Variants in KIF1A observed in about 807,000 individuals in gnomAD.
The protein encoded by KIF1A is kinesin family member 1A.
Under a neutral mutation model 227.3 loss-of-function variants are expected in KIF1A, and 46 were observed. That is an observed-to-expected ratio of 0.20 (90% CI 0.16 to 0.26). The LOEUF (loss-of-function observed/expected upper bound fraction) is 0.26. Among genes scored for constraint, KIF1A ranks in the 10% least tolerant of loss-of-function variants. The probability of loss-of-function intolerance (pLI) is 1.00; values close to 1 mark genes in which losing one functional copy is unlikely to be tolerated. For synonymous variants in KIF1A, 1,022 were observed against 1,012.8 expected, an observed-to-expected ratio of 1.01 and a Z score of -0.17; for missense variants, 1,683 against 2,485.9, an observed-to-expected ratio of 0.68 and a Z score of 6.87.
rs546481711 is a variant in KIF1A, at chr2:240,812,212, C to A, written c.-61+7910G>T. Among the ~76,000 whole-genome samples the A allele has an allele frequency of 2.4e-4, 37 of 152,310 alleles. No homozygotes were observed. The Middle Eastern group carries it at 0.014, about 56-fold the overall frequency. ...GACCATTTCAGGTTCCTGCCTCACC[C>A]TGGGGTGGGGGCATCAGCAGAAAAA... On this transcript the variant is annotated intron_variant, in intron 1 of 48. Coordinates refer to ENST00000498729, the MANE Select transcript of KIF1A (RefSeq NM_001244008.2).
intron 12 of KIF1A, among the ~76,000 whole-genome samples, chr2:240,773,837 A>T (rs1281492384): frequency 6.6e-6 from 1 of 151,184 alleles, no homozygotes; most frequent in African/African-American, 2.4e-5. Context: ...CATAAGACAC[A>T]CCTATGTCCC....
At chr2:240,800,390 G>A (rs2056864104) in intron 1 of KIF1A, among the ~76,000 whole-genome samples, 1 of 152,146 alleles carries the variant, frequency 6.6e-6, no homozygotes, top group Non-Finnish European at 1.5e-5. Flanking sequence ...TACTCAAGAG[G>A]CCCGATACCA....
Position 240,775,996 on chromosome 2 carries a change from C to T in KIF1A, c.883-70G>A. ...AGGAAGCGAAAGGGAGGGGCCAGCG[C>T]AGGCCCTGCCAAGTGGGTCCTCAAA... On this transcript the variant is annotated intron_variant, in intron 10 of 48. Coordinates refer to ENST00000498729, the MANE Select transcript of KIF1A (RefSeq NM_001244008.2). This position sits in a 1 kb window ranked among gnomAD's most constrained non-coding sequence, Gnocchi z 5.5. 1 of 1,056,696 alleles carries T rather than the reference C, an allele frequency of 9.5e-7. No individual in the cohort carries two copies. The allele number at this position is 1,056,696 out of a possible 1,614,324, so 65.5% of individuals were successfully genotyped here. A position where few individuals can be genotyped will look rare whatever the true frequency, so the allele number is the denominator to read the frequency against.
At chr2:240,734,121 G>A (rs1456079919) in intron 38 of KIF1A, among the ~76,000 whole-genome samples, 2 of 152,248 alleles carry the variant, frequency 1.3e-5, no homozygotes, top group African/African-American at 4.8e-5. Flanking sequence ...GGCCAGAGGA[G>A]CGTGGCTGGA....
chr2:240,768,536 T>C (rs984384590), intron 17 of KIF1A, among the ~76,000 whole-genome samples: 2 of 152,044 alleles, frequency 1.3e-5, no homozygotes, highest in African/African-American at 4.8e-5. Flanking sequence ...AAGAAAGACT[T>C]TTTCCCAAGT....
At chr2:240,748,449 C>T (rs557364308) in intron 28 of KIF1A, among the ~76,000 whole-genome samples, 2 of 152,296 alleles carry the variant, frequency 1.3e-5, no homozygotes, top group Non-Finnish European at 2.9e-5. Context: ...TCTGGTGCAG[C>T]CCCACTCTCA....
At chr2:240,786,258 C>T in intron 6 of KIF1A, 77 bp downstream of exon 6, 5 of 1,428,076 alleles carry the variant, frequency 3.5e-6, no homozygotes, top group Non-Finnish European at 4.9e-6. Flanking sequence ...AGGGCCAGGA[C>T]CGAGGTGAAG....
intron 27 of KIF1A, among the ~76,000 whole-genome samples, chr2:240,753,824 A>T (rs2049506257): frequency 6.6e-6 from 1 of 152,094 alleles, no homozygotes; most frequent in Admixed American, 6.5e-5. Flanking sequence ...ACAGAGGACG[A>T]CCCTGAGGCA....
intron 34 of KIF1A, among the ~76,000 whole-genome samples, chr2:240,742,271 G>T (rs964826700): frequency 8.5e-5 from 13 of 152,164 alleles, no homozygotes; most frequent in Non-Finnish European, 1.6e-4. Context: ...TCTCACACAG[G>T]CCCCTACCCT....
At chr2:240,745,673 G>A in intron 31 of KIF1A, 65 bp downstream of exon 31, 5 of 1,566,788 alleles carry the variant, frequency 3.2e-6, no homozygotes, top group Non-Finnish European at 4.3e-6. Flanking sequence ...CCAGCACCCA[G>A]GCACGGGAGC....
At chr2:240,773,084 T>A (rs1043841174) in intron 13 of KIF1A, 30 bp downstream of exon 13, 1 of 1,585,546 alleles carries the variant, frequency 6.3e-7, no homozygotes, top group African/African-American at 1.3e-5. Context: ...CCCACAACCC[T>A]GTCCAGGACA....
chr2:240,738,948 C>T (rs1411123705), intron 37 of KIF1A, among the ~76,000 whole-genome samples: 1 of 152,250 alleles, frequency 6.6e-6, no homozygotes, highest in South Asian at 2.1e-4. Flanking sequence ...GGTCCATAAA[C>T]CAGCTGTGTA....
chr2:240,773,841 A>G (rs2052357977), intron 12 of KIF1A, among the ~76,000 whole-genome samples: 1 of 151,964 alleles, frequency 6.6e-6, no homozygotes, highest in Non-Finnish European at 1.5e-5. Context: ...AGACACACCT[A>G]TGTCCCCTCT....
At chr2:240,809,392 C>A (rs1315461118) in intron 1 of KIF1A, among the ~76,000 whole-genome samples, 2 of 152,130 alleles carry the variant, frequency 1.3e-5, no homozygotes, top group Non-Finnish European at 2.9e-5. Flanking sequence ...CAGGAAGAGG[C>A]CATCACGAGT....
Position 240,743,926 on chromosome 2 carries a change from G to T in KIF1A, c.3584+16C>A, listed in dbSNP as rs773804422. The T allele has an allele frequency of 1.3e-6, 2 of 1,571,156 alleles. No individual in the cohort carries two copies. Among genetic ancestry groups the T allele is most frequent in the African/African-American group, 1.4e-5 (1 of 74,050 alleles). ...TGAGGACAGCAGCCCCGAACCCCCC[G>T]ACCCAGGGCGCTAACCTGAGCACGT... On this transcript the variant is annotated intron_variant, in intron 33 of 48. Transcript: ENST00000498729.
intron 38 of KIF1A, 117 bp from the exon 39 acceptor site, chr2:240,727,057 G>C: frequency 1.6e-6 from 1 of 613,018 alleles, no homozygotes. Flanking sequence ...GGAGCGGCTG[G>C]GGGCACAGGC....
In KIF1A at chr2:240,750,498, G is replaced by T; in HGVS notation, c.2908C>A (p.Arg970Ser). 6.2e-7 allele frequency: 1 copy of T among 1,613,922 alleles called. No individual in the cohort carries two copies. The highest frequency in any genetic ancestry group is 1.1e-5 in the South Asian group (1 of 91,088). The change falls in exon 28 of 49, where the codon CGT (arginine) becomes AGT (serine). Residue 970 changes from arginine (R) to serine (S), a missense_variant. Physicochemically the swap from Arg to Ser is moderately radical, Grantham distance 110. This residue lies in a region of KIF1A where 759 missense variants were observed against 1,020.2 expected (regional missense o/e 0.74). Transcript: ENST00000498729. ...CCCTTCTCGCTGACGATTGCCACAC[G>T]GTGTACCAGGGGAACGGGGTACAGC... ...NLLYPVPLVH[R>S]VAIVSEKGEV...
rs558664922 is a variant in KIF1A, at chr2:240,782,310, C to T, written c.882+280G>A. On this transcript the variant is annotated intron_variant, in intron 10 of 48. Coordinates refer to ENST00000498729, the MANE Select transcript of KIF1A (RefSeq NM_001244008.2). ...CCCCTTTCAGCTCCTCCCAGGGCCC[C>T]CACGCCCCCCGGGCCACACTTTCCC... The T allele has an allele frequency of 3.8e-3, 2,718 of 706,064 alleles. 5 individuals carry two copies. The highest frequency in any genetic ancestry group is 4.4e-3 in the Non-Finnish European group (2,539 of 574,514). The allele number at this position is 706,064 out of a possible 1,614,324, so 43.7% of individuals were successfully genotyped here.
intron 1 of KIF1A, among the ~76,000 whole-genome samples, chr2:240,800,900 C>T (rs2056907872): frequency 6.6e-6 from 1 of 152,228 alleles, no homozygotes; most frequent in African/African-American, 2.4e-5. Context: ...CTCGGACGAA[C>T]CTTATGAAAA....
Sources: gnomAD v4.1 joint callset for allele counts (sites outside exome capture counted in the v4.1 genomes callset) on GRCh38, gnomAD v4.1.1 for gene constraint, gnomAD v4.1.1 regional missense constraint, Gnocchi (gnomAD v3.1) non-coding constraint, MANE v1.5 for transcripts, NCBI Gene and HGNC (gene_info 2026-07-23, HGNC 2026-07-21) for gene names.